Variants in SYN3 observed in about 807,000 individuals in gnomAD.
SYN3 encodes synapsin-3.
A neutral mutation model predicts 65.8 loss-of-function variants in SYN3; 35 were observed. The ratio of observed to expected loss-of-function variants is 0.53; its 90% CI spans 0.41 to 0.70. The LOEUF (loss-of-function observed/expected upper bound fraction) is 0.70. Ranked by LOEUF, SYN3 falls within the 30% of genes least tolerant of loss-of-function variation. The pLI is 0.00. For synonymous variants in SYN3, 270 were observed against 292.9 expected, an observed-to-expected ratio of 0.92 and a Z score of 0.80; for missense variants, 680 against 749.0, an observed-to-expected ratio of 0.91 and a Z score of 1.08.
intron 6 of SYN3, among the ~76,000 whole-genome samples, chr22:32,679,741 C>A (rs2060495619): frequency 6.7e-6 from 1 of 149,392 alleles, no homozygotes; most frequent in African/African-American, 2.5e-5. Flanking sequence ...TGTTCAGCAT[C>A]TTTTCATATA....
chr22:32,745,591 A>G (rs577631453), intron 6 of SYN3, among the ~76,000 whole-genome samples: 1 of 152,326 alleles, frequency 6.6e-6, no homozygotes, highest in South Asian at 2.1e-4. Flanking sequence ...TGCAAGACGC[A>G]GCCACTGCAC....
At chr22:32,780,901 C>CT (rs1426334684) in intron 6 of SYN3, among the ~76,000 whole-genome samples, 3 of 125,694 alleles carry the variant, frequency 2.4e-5, no homozygotes, top group African/African-American at 5.6e-5. Flanking sequence ...GCCTGCCTGC[C>CT]TGCCTTCCTT....
chr22:33,042,997 T>C (rs1018930372), intron 1 of SYN3, among the ~76,000 whole-genome samples: 2 of 152,156 alleles, frequency 1.3e-5, no homozygotes, highest in African/African-American at 4.8e-5. Context: ...CCATATACCC[T>C]TTTGTTATTA....
intron 6 of SYN3, among the ~76,000 whole-genome samples, chr22:32,736,470 T>A (rs1256770627): frequency 2.0e-5 from 3 of 152,244 alleles, no homozygotes; most frequent in Non-Finnish European, 2.9e-5. Context: ...ATTATTTTGA[T>A]AATATTATCC....
chr22:32,633,596 G>C (rs1228762015), intron 6 of SYN3, among the ~76,000 whole-genome samples: 2 of 152,146 alleles, frequency 1.3e-5, no homozygotes, highest in Admixed American at 6.5e-5. Context: ...TGACCTCCGA[G>C]GCAGAGGGAG....
chr22:33,010,897 T>C (rs2053334859), intron 1 of SYN3, among the ~76,000 whole-genome samples: 1 of 152,172 alleles, frequency 6.6e-6, no homozygotes, highest in Non-Finnish European at 1.5e-5. Context: ...TTTTCTAAAT[T>C]TCACTTTCCA....
At chr22:32,877,985 C>T (rs1490535245) in intron 4 of SYN3, among the ~76,000 whole-genome samples, 7 of 152,296 alleles carry the variant, frequency 4.6e-5, no homozygotes, top group Middle Eastern at 3.4e-3. Context: ...CTCATGATAA[C>T]TCTACAAGGT....
intron 6 of SYN3, among the ~76,000 whole-genome samples, chr22:32,754,190 C>T (rs778172918): frequency 6.6e-6 from 1 of 151,876 alleles, no homozygotes; most frequent in Admixed American, 6.6e-5. Context: ...CTCACTCTGT[C>T]GCCCAGGCCA....
intron 6 of SYN3, among the ~76,000 whole-genome samples, chr22:32,796,558 C>T (rs5754289): frequency 0.25 from 38,353 of 152,072 alleles, 6,047 homozygotes; most frequent in African/African-American, 0.45. Flanking sequence ...TGCAGTACCT[C>T]GCATCTTAGG....
intron 6 of SYN3, among the ~76,000 whole-genome samples, chr22:32,617,523 G>A (rs1423113115): frequency 2.0e-5 from 3 of 149,332 alleles, no homozygotes; most frequent in East Asian, 2.0e-4. Flanking sequence ...GAGTCATCCC[G>A]TGGAGCTCAG....
intron 6 of SYN3, among the ~76,000 whole-genome samples, chr22:32,624,117 T>G (rs1348219299): frequency 6.6e-6 from 1 of 152,124 alleles, no homozygotes; most frequent in Non-Finnish European, 1.5e-5. Flanking sequence ...CTCTTCCGAG[T>G]CCGGTTATTG....
chr22:32,672,563 G>A (rs1377216216), intron 6 of SYN3, among the ~76,000 whole-genome samples: 4 of 152,158 alleles, frequency 2.6e-5, no homozygotes, highest in South Asian at 4.1e-4. Flanking sequence ...GGATGGCCCC[G>A]CCATCCTTTG....
intron 3 of SYN3, among the ~76,000 whole-genome samples, chr22:32,957,544 A>G (rs2051503196): frequency 6.6e-6 from 1 of 152,170 alleles, no homozygotes; most frequent in Non-Finnish European, 1.5e-5. Flanking sequence ...ATGAAGAAGA[A>G]AAAAGCCCCG....
chr22:33,028,176 G>A (rs2145884206), intron 1 of SYN3, among the ~76,000 whole-genome samples: 1 of 152,228 alleles, frequency 6.6e-6, no homozygotes, highest in East Asian at 1.9e-4. Flanking sequence ...CCAGCCCGTG[G>A]TTTCCACAGC....
At chr22:32,539,547 C>G (rs2146224553) in intron 8 of SYN3, among the ~76,000 whole-genome samples, 1 of 152,240 alleles carries the variant, frequency 6.6e-6, no homozygotes, top group East Asian at 1.9e-4. Flanking sequence ...CTTACTGTGT[C>G]TGCTAGGACT....
chr22:32,923,540 C>T (rs1458678606), intron 4 of SYN3, among the ~76,000 whole-genome samples: 1 of 152,182 alleles, frequency 6.6e-6, no homozygotes, highest in Non-Finnish European at 1.5e-5. Context: ...GAAGTGCTTA[C>T]AGGCAATTTC....
intron 6 of SYN3, among the ~76,000 whole-genome samples, chr22:32,841,480 G>A (rs1184811616): frequency 6.6e-6 from 1 of 152,174 alleles, no homozygotes; most frequent in Non-Finnish European, 1.5e-5. Context: ...GTGCAGTAGA[G>A]TGAGCTACAA....
chr22:32,825,850 T>C (rs541965137), intron 6 of SYN3, among the ~76,000 whole-genome samples: 2 of 152,176 alleles, frequency 1.3e-5, no homozygotes, highest in South Asian at 4.1e-4. Context: ...GAAAACAACA[T>C]AGCCATTCAA....
At chr22:32,845,135 A>G (rs1001456926) in intron 6 of SYN3, among the ~76,000 whole-genome samples, 1 of 151,916 alleles carries the variant, frequency 6.6e-6, no homozygotes, top group Admixed American at 6.6e-5. Context: ...TGAGATTCAC[A>G]CTGAGCCTCA....
Sources: allele counts gnomAD v4.1 joint callset (sites outside exome capture counted in the v4.1 genomes callset), GRCh38; gene constraint gnomAD v4.1.1; transcripts MANE v1.5; gene names NCBI Gene and HGNC (gene_info 2026-07-23, HGNC 2026-07-21).